The following ZNF469 variants were observed in gnomAD, a reference collection of about 807,000 sequenced individuals.
ZNF469 encodes zinc finger protein 469.
ZNF469 carries 1 observed loss-of-function variant against 1.0 expected under a neutral mutation model. That is an observed-to-expected ratio of 1.00 (90% CI 0.35 to 4.73). The LOEUF (loss-of-function observed/expected upper bound fraction) is 4.73, where lower values mean the gene tolerates loss of function less well. Among genes scored for constraint, ZNF469 ranks in the 30% most tolerant of loss-of-function variants. The pLI is 0.16. For missense variants in ZNF469, 6,100 were observed against 5,356.3 expected, an observed-to-expected ratio of 1.14 and a Z score of -4.33; for synonymous variants, 2,703 against 2,363.4, an observed-to-expected ratio of 1.14 and a Z score of -4.17.
chr16:88,129,405 G>T, the ZNF469 span, among the ~76,000 whole-genome samples: 1 of 151,280 alleles, frequency 6.6e-6, no homozygotes. Context: ...AGAACTCATT[G>T]TCCTCTGCTT....
chr16:88,260,078 C>G, the ZNF469 span, among the ~76,000 whole-genome samples: 2 of 151,674 alleles, frequency 1.3e-5, no homozygotes, highest in Admixed American at 1.3e-4. This position sits in a 1 kb window ranked among gnomAD's most constrained non-coding sequence, Gnocchi z 4.1. Context: ...CCCGGGTTCA[C>G]GTGATTTTCC....
At chr16:88,145,726 G>A in the ZNF469 span, among the ~76,000 whole-genome samples, 10 of 152,248 alleles carry the variant, frequency 6.6e-5, no homozygotes, top group African/African-American at 2.4e-4. Context: ...CTCTTGCCCC[G>A]TCGCTGCAGG....
chr16:88,357,953 C>G, the ZNF469 span, among the ~76,000 whole-genome samples: 13 of 152,332 alleles, frequency 8.5e-5, no homozygotes, highest in African/African-American at 3.1e-4. Flanking sequence ...AGTACAGATG[C>G]CTGGGATGGC....
rs780605331 is a variant in ZNF469, at chr16:88,434,727, G to C, written c.7257G>C (p.Gln2419His). The C allele has an allele frequency of 1.7e-5, 27 of 1,550,256 alleles. No individual in the cohort carries two copies. Among genetic ancestry groups the C allele is most frequent in the Middle Eastern group, 3.3e-4 (2 of 6,014 alleles). The change falls in exon 3 of 3, where the codon CAG (glutamine) becomes CAC (histidine). Residue 2419 changes from glutamine (Q) to histidine (H), a missense_variant. Coordinates refer to ENST00000565624, the MANE Select transcript of ZNF469 (RefSeq NM_001367624.2). ...TAPSSTASDF[Q>H]SDSPQSHRNA... ...CAAGCAGCACAGCCAGTGACTTCCA[G>C]TCTGACTCCCCCCAAAGCCACAGAA...
the ZNF469 span, among the ~76,000 whole-genome samples, chr16:88,274,562 C>T: frequency 2.6e-5 from 4 of 152,188 alleles, no homozygotes; most frequent in African/African-American, 9.7e-5. Context: ...GGTGTCCGGG[C>T]GGGGCCCCCG....
chr16:88,282,560 T>C, the ZNF469 span, among the ~76,000 whole-genome samples: 1 of 152,122 alleles, frequency 6.6e-6, no homozygotes. Context: ...GGAGCCAACA[T>C]GCACAGAGGG....
the ZNF469 span, among the ~76,000 whole-genome samples, chr16:88,314,100 C>T: frequency 9.8e-5 from 10 of 101,994 alleles, no homozygotes; most frequent in Admixed American, 8.5e-4. Flanking sequence ...GATGATGCTG[C>T]TGTGGACTGT....
At chr16:88,375,810 G>T in the ZNF469 span, among the ~76,000 whole-genome samples, 1 of 152,204 alleles carries the variant, frequency 6.6e-6, no homozygotes, top group African/African-American at 2.4e-5. Flanking sequence ...TCTGACTGCC[G>T]AACTTCACCC....
the ZNF469 span, among the ~76,000 whole-genome samples, chr16:88,208,278 T>TC: frequency 6.6e-6 from 1 of 151,872 alleles, no homozygotes; most frequent in African/African-American, 2.4e-5. Flanking sequence ...ATCTGCGCTT[T>TC]CCCTGTTGCG....
the ZNF469 span, among the ~76,000 whole-genome samples, chr16:88,234,091 T>C: frequency 6.6e-6 from 1 of 152,238 alleles, no homozygotes. Context: ...GGAAGGGCCA[T>C]GGACTTCTGA....
the ZNF469 span, among the ~76,000 whole-genome samples, chr16:88,272,283 GTGGA>G: frequency 1.0e-4 from 12 of 115,180 alleles, no homozygotes; most frequent in African/African-American, 4.0e-4. Context: ...GAATGGGTGG[GTGGA>G]TGGATGGGTG....
chr16:88,251,463 C>T, the ZNF469 span, among the ~76,000 whole-genome samples: 1 of 144,592 alleles, frequency 6.9e-6, no homozygotes, highest in Non-Finnish European at 1.5e-5. Context: ...TTTTTTTGTT[C>T]TAACAGCTGT....
chr16:88,338,377 C>T, the ZNF469 span, among the ~76,000 whole-genome samples: 1 of 152,214 alleles, frequency 6.6e-6, no homozygotes, highest in Non-Finnish European at 1.5e-5. Context: ...CTGCAGGCCA[C>T]CCCCGGCTCC....
intron 1 of ZNF469, among the ~76,000 whole-genome samples, chr16:88,418,103 C>G (rs978313119): frequency 1.3e-5 from 2 of 152,186 alleles, no homozygotes; most frequent in African/African-American, 4.8e-5. Flanking sequence ...GGACTCTACC[C>G]GGGCTCCTGA....
chr16:88,267,204 A>G, the ZNF469 span, among the ~76,000 whole-genome samples: 2 of 152,120 alleles, frequency 1.3e-5, no homozygotes, highest in Non-Finnish European at 2.9e-5. Context: ...ACTTTGGCTT[A>G]TTTATACCTT....
At chr16:88,350,453 C>T in the ZNF469 span, among the ~76,000 whole-genome samples, 1 of 152,260 alleles carries the variant, frequency 6.6e-6, no homozygotes, top group African/African-American at 2.4e-5. Flanking sequence ...CAGCTCTCGC[C>T]TGGGCTGGGC....
the ZNF469 span, among the ~76,000 whole-genome samples, chr16:88,333,732 G>A: frequency 3.7e-5 from 5 of 134,592 alleles, no homozygotes; most frequent in East Asian, 2.5e-4. Context: ...ATGCGGGCCC[G>A]CGAGGTGGGG....
chr16:88,301,162 C>CTT, the ZNF469 span, among the ~76,000 whole-genome samples: 45 of 149,756 alleles, frequency 3.0e-4, no homozygotes, highest in East Asian at 8.0e-4. Context: ...CCACACTTTT[C>CTT]TTTTTTTTTT....
the ZNF469 span, among the ~76,000 whole-genome samples, chr16:88,346,444 T>C: frequency 6.6e-6 from 1 of 151,618 alleles, no homozygotes; most frequent in Non-Finnish European, 1.5e-5. Flanking sequence ...GACCTGCACA[T>C]GCAGCTCCCA....
Sources: gnomAD v4.1 joint callset for allele counts (sites outside exome capture counted in the v4.1 genomes callset) on GRCh38, gnomAD v4.1.1 for gene constraint, Gnocchi (gnomAD v3.1) non-coding constraint, MANE v1.5 for transcripts, NCBI Gene and HGNC (gene_info 2026-07-23, HGNC 2026-07-21) for gene names.